Variants in RPTOR observed in about 807,000 individuals in gnomAD.
RPTOR encodes the protein regulatory-associated protein of mTOR.
A neutral mutation model predicts 169.9 loss-of-function variants in RPTOR; 21 were observed. The ratio of observed to expected loss-of-function variants is 0.12; its 90% CI spans 0.09 to 0.18. The LOEUF (loss-of-function observed/expected upper bound fraction) is 0.18, where lower values mean the gene tolerates loss of function less well. Among genes scored for constraint, RPTOR ranks in the 10% least tolerant of loss-of-function variants. The probability of loss-of-function intolerance (pLI) is 1.00; values close to 1 mark genes in which losing one functional copy is unlikely to be tolerated. For missense variants in RPTOR, 1,133 were observed against 1,855.9 expected, an observed-to-expected ratio of 0.61 and a Z score of 7.16; for synonymous variants, 732 against 753.2, an observed-to-expected ratio of 0.97 and a Z score of 0.46.
intron 1 of RPTOR, chr17:80,602,961 T>A (rs1014173036): frequency 1.1e-5 from 4 of 370,086 alleles, no homozygotes; most frequent in Non-Finnish European, 2.0e-5. Flanking sequence ...AAAAGGACAG[T>A]TGAGTTTTCT....
At chr17:80,918,246 C>A (rs920295348) in intron 21 of RPTOR, among the ~76,000 whole-genome samples, 1 of 152,196 alleles carries the variant, frequency 6.6e-6, no homozygotes, top group African/African-American at 2.4e-5. Context: ...GCCCGTGGGC[C>A]CCTGCCCAGC....
At chr17:80,900,177 A>G (rs770775826) in intron 20 of RPTOR, among the ~76,000 whole-genome samples, 1 of 151,906 alleles carries the variant, frequency 6.6e-6, no homozygotes, top group Non-Finnish European at 1.5e-5. Context: ...TTTGTGCCCC[A>G]ACACATCCTT....
At chr17:80,587,315 G>T (rs145276067) in intron 1 of RPTOR, among the ~76,000 whole-genome samples, 27 of 152,356 alleles carry the variant, frequency 1.8e-4, no homozygotes, top group African/African-American at 5.8e-4. Flanking sequence ...GCTCTTTTGT[G>T]TCTTGTAAGA....
chr17:80,662,976 G>T (rs1273074018), intron 3 of RPTOR, among the ~76,000 whole-genome samples: 1 of 152,210 alleles, frequency 6.6e-6, no homozygotes, highest in East Asian at 1.9e-4. Flanking sequence ...TTAGGAGGGA[G>T]GTGGAATCAG....
chr17:80,700,780 GAT>G (rs68091563), intron 3 of RPTOR, among the ~76,000 whole-genome samples: 682 of 24,724 alleles, frequency 0.028, 61 homozygotes, highest in African/African-American at 0.094. Flanking sequence ...TGGTAGAGAT[GAT>G]GATGGTGGTG....
chr17:80,685,587 A>T (rs2065933831), intron 3 of RPTOR, among the ~76,000 whole-genome samples: 1 of 97,940 alleles, frequency 1.0e-5, no homozygotes. Context: ...ATTTTTGTAT[A>T]TTCAGGGCCA....
chr17:80,848,788 C>T (rs1008632856), intron 11 of RPTOR, among the ~76,000 whole-genome samples: 4 of 152,210 alleles, frequency 2.6e-5, no homozygotes, highest in African/African-American at 9.6e-5. Flanking sequence ...CTTTTGGGTC[C>T]AGCAAATAAT....
chr17:80,635,228 C>T (rs1318646777), intron 2 of RPTOR, among the ~76,000 whole-genome samples: 1 of 152,150 alleles, frequency 6.6e-6, no homozygotes, highest in Non-Finnish European at 1.5e-5. Flanking sequence ...TGGTCCAACA[C>T]CCATATGGTC....
intron 7 of RPTOR, among the ~76,000 whole-genome samples, chr17:80,793,432 G>C (rs1451525310): frequency 3.3e-5 from 5 of 152,162 alleles, no homozygotes; most frequent in Admixed American, 6.5e-5. Context: ...GGTGAAAACT[G>C]TCTTGGTGTT....
chr17:80,855,422 A>G (rs1439239636), intron 11 of RPTOR, 42 bp from the exon 12 acceptor site: 1 of 1,471,320 alleles, frequency 6.8e-7, no homozygotes, highest in Non-Finnish European at 9.5e-7. Context: ...GTTGCACACC[A>G]GTATGGTTTG....
rs1004505762 is a variant in RPTOR, at chr17:80,700,737, T to A, written c.349-7104T>A. On this transcript the variant is annotated intron_variant, in intron 3 of 33. Coordinates refer to ENST00000306801, the MANE Select transcript of RPTOR (RefSeq NM_020761.3). ...GTGGTGGTGGTGGTGGTGATGATGG[T>A]GGTGGTGGTGGTGGTGATGATGGTG... Among the ~76,000 whole-genome samples the A allele has an allele frequency of 8.0e-3, 886 of 111,158 alleles. 2 individuals are homozygous for A. The highest frequency in any genetic ancestry group is 0.011 in the East Asian group (36 of 3,348). The allele number at this position is 111,158 out of a possible 152,430, so 72.9% of individuals were successfully genotyped here.
chr17:80,888,205 C>T (rs2068272383), intron 17 of RPTOR, among the ~76,000 whole-genome samples: 1 of 152,220 alleles, frequency 6.6e-6, no homozygotes, highest in South Asian at 2.1e-4. Context: ...ACCTCTGCCT[C>T]CCGGGCTCAA....
chr17:80,685,627 A>ATATATATATT (rs1269766086), intron 3 of RPTOR, among the ~76,000 whole-genome samples: 2 of 30,686 alleles, frequency 6.5e-5, no homozygotes, highest in African/African-American at 3.4e-4. Context: ...ATATATATAT[A>ATATATATATT]TTTTTTTTTT....
In RPTOR at chr17:80,554,481, C is replaced by A. The variant is rs1472690490; in HGVS notation, c.162+8690C>A. Among the ~76,000 whole-genome samples the A allele has an allele frequency of 2.0e-5, 3 of 152,058 alleles. No homozygotes were observed. In the East Asian group the frequency reaches 5.8e-4, roughly 29 times the overall value. On this transcript the variant is annotated intron_variant, in intron 1 of 33. Transcript: ENST00000306801. ...ATCCAAGGTGGGGTGCGGTGGCTCA[C>A]ACCTGTAATCCCAGCACTTTGGGAG... is the stretch of plus-strand genomic sequence containing the variant.
chr17:80,706,979 T>A (rs940811191), intron 3 of RPTOR, among the ~76,000 whole-genome samples: 3 of 152,224 alleles, frequency 2.0e-5, no homozygotes, highest in Admixed American at 6.5e-5. Context: ...CTCTGTGGCT[T>A]TCGAGATGGG....
At chr17:80,850,996 A>G (rs2143728880) in intron 11 of RPTOR, among the ~76,000 whole-genome samples, 1 of 152,326 alleles carries the variant, frequency 6.6e-6, no homozygotes, top group Middle Eastern at 3.4e-3. Context: ...TAGTATGATC[A>G]TAGCTCGCTG....
intron 1 of RPTOR, among the ~76,000 whole-genome samples, chr17:80,577,230 G>T (rs1040202621): frequency 6.6e-6 from 1 of 151,870 alleles, no homozygotes; most frequent in African/African-American, 2.4e-5. Context: ...GGGTTTCACC[G>T]TGTTGGTCAG....
At chr17:80,834,810 C>T (rs1040698781) in intron 9 of RPTOR, among the ~76,000 whole-genome samples, 11 of 152,314 alleles carry the variant, frequency 7.2e-5, no homozygotes, top group African/African-American at 1.9e-4. Flanking sequence ...CAGCACTGAC[C>T]GAGGCCACAC....
At chr17:80,887,281 A>G (rs1476698967) in intron 17 of RPTOR, among the ~76,000 whole-genome samples, 20 of 41,064 alleles carry the variant, frequency 4.9e-4, no homozygotes, top group African/African-American at 1.2e-3. Context: ...GCTGACTCTG[A>G]GGGGTGCCAC....
Sources: allele counts gnomAD v4.1 joint callset (sites outside exome capture counted in the v4.1 genomes callset), GRCh38; gene constraint gnomAD v4.1.1; transcripts MANE v1.5; gene names NCBI Gene and HGNC (gene_info 2026-07-23, HGNC 2026-07-21).